Variants in ZCCHC7 observed in about 807,000 individuals in gnomAD.
ZCCHC7 encodes zinc finger CCHC domain-containing protein 7.
In ZCCHC7, 35 loss-of-function variants were observed where a neutral mutation model predicts 52.0. The observed-to-expected ratio is 0.67, with a 90% CI of 0.51 to 0.89. ZCCHC7 has a LOEUF of 0.89. Among genes scored for constraint, ZCCHC7 ranks in the 40% least tolerant of loss-of-function variants. ZCCHC7 has a pLI of 0.00. For missense variants in ZCCHC7, 574 were observed against 649.1 expected (o/e 0.88, Z 1.26); for synonymous variants, 217 against 221.5 (o/e 0.98, Z 0.18).
chr9:37,338,353 A>G (rs1830775132), intron 6 of ZCCHC7, among the ~76,000 whole-genome samples: 1 of 152,178 alleles, frequency 6.6e-6, no homozygotes, highest in Non-Finnish European at 1.5e-5. Context: ...AATAATTTAT[A>G]TCTATTTACA....
intron 2 of ZCCHC7, among the ~76,000 whole-genome samples, chr9:37,218,114 A>T (rs764699322): frequency 2.0e-5 from 3 of 152,210 alleles, no homozygotes; most frequent in Non-Finnish European, 4.4e-5. Context: ...ATTCCTAATT[A>T]TGGTTTCATA....
At chr9:37,144,217 A>G (rs914406889) in intron 2 of ZCCHC7, among the ~76,000 whole-genome samples, 1 of 151,926 alleles carries the variant, frequency 6.6e-6, no homozygotes, top group African/African-American at 2.4e-5. Context: ...ATTTAAAAGT[A>G]CTAATACAAG....
At position 37,358,079 on chromosome 9, in the gene ZCCHC7, G is replaced by A. The variant is rs1364197177; in HGVS notation, c.*811G>A. The A allele has an allele frequency of 6.6e-6, 1 of 151,812 alleles. No homozygotes were observed. Among genetic ancestry groups the A allele is most frequent in the Non-Finnish European group, 1.5e-5 (1 of 67,948 alleles). 9.4% of individuals were successfully genotyped at this position (151,812 alleles called of 1,614,324 possible). A position where few individuals can be genotyped will look rare whatever the true frequency, so the allele number is the denominator to read the frequency against. ...ACCGCAAAGCTATACAGATTTTTTT[G>A]TACTTGTGGATCTTTTGTACTTCTC... On this transcript the variant is annotated 3_prime_UTR_variant, in exon 9 of 9. Coordinates refer to ENST00000336755, the MANE Select transcript of ZCCHC7 (RefSeq NM_032226.3).
intron 4 of ZCCHC7, 146 bp downstream of exon 4, chr9:37,304,459 C>T: frequency 1.1e-6 from 1 of 936,298 alleles, no homozygotes; most frequent in Non-Finnish European, 1.5e-6. Context: ...TGAGACCATC[C>T]TAGCTAACAT....
At chr9:37,342,299 A>C (rs1820690457) in intron 6 of ZCCHC7, among the ~76,000 whole-genome samples, 1 of 152,184 alleles carries the variant, frequency 6.6e-6, no homozygotes, top group Non-Finnish European at 1.5e-5. Context: ...TGAGATGGGA[A>C]AGATTTTGGG....
intron 3 of ZCCHC7, among the ~76,000 whole-genome samples, chr9:37,302,628 T>C (rs1829088079): frequency 6.6e-6 from 1 of 152,230 alleles, no homozygotes; most frequent in Non-Finnish European, 1.5e-5. Flanking sequence ...GAGAATAATT[T>C]TATAACTTGG....
At chr9:37,209,354 G>A (rs925549150) in intron 2 of ZCCHC7, among the ~76,000 whole-genome samples, 1 of 151,716 alleles carries the variant, frequency 6.6e-6, no homozygotes, top group African/African-American at 2.4e-5. Context: ...TTTTTTTAAA[G>A]TTCCAAGTAT....
intron 2 of ZCCHC7, among the ~76,000 whole-genome samples, chr9:37,139,765 G>A (rs1843144909): frequency 6.6e-6 from 1 of 151,914 alleles, no homozygotes; most frequent in Admixed American, 6.6e-5. Flanking sequence ...GTGAAAGAAT[G>A]GATGTTAAGT....
At chr9:37,290,910 G>T (rs1380954412) in intron 2 of ZCCHC7, among the ~76,000 whole-genome samples, 2 of 151,996 alleles carry the variant, frequency 1.3e-5, no homozygotes, top group African/African-American at 4.8e-5. Flanking sequence ...TACTGAAAAA[G>T]ACTAAATTAT....
At chr9:37,314,676 A>G (rs1588657780) in intron 5 of ZCCHC7, among the ~76,000 whole-genome samples, 1 of 151,108 alleles carries the variant, frequency 6.6e-6, no homozygotes, top group Admixed American at 6.6e-5. Flanking sequence ...ACGTGGGAGG[A>G]TGAAGCAGGA....
intron 2 of ZCCHC7, among the ~76,000 whole-genome samples, chr9:37,275,055 T>C (rs977412133): frequency 6.6e-6 from 1 of 152,236 alleles, no homozygotes; most frequent in African/African-American, 2.4e-5. Context: ...GCCTGGCAAG[T>C]CTTTCTAGCA....
intron 2 of ZCCHC7, among the ~76,000 whole-genome samples, chr9:37,272,385 T>C (rs1338098297): frequency 6.8e-6 from 1 of 147,230 alleles, no homozygotes; most frequent in Non-Finnish European, 1.5e-5. Context: ...GGAATTGGTA[T>C]AAAATACATA....
At chr9:37,334,684 A>G (rs1244592781) in intron 6 of ZCCHC7, among the ~76,000 whole-genome samples, 2 of 152,014 alleles carry the variant, frequency 1.3e-5, no homozygotes, top group African/African-American at 4.8e-5. Context: ...GTTTTTTGGT[A>G]CATTTATAAG....
chr9:37,213,651 A>G (rs1273439820), intron 2 of ZCCHC7, among the ~76,000 whole-genome samples: 2 of 152,148 alleles, frequency 1.3e-5, no homozygotes. Flanking sequence ...ATGGTATAAG[A>G]ATAGCCTGGA....
At chr9:37,225,413 ATATATAAGGTAACACTTCCAAAC>A (rs1825043740) in intron 2 of ZCCHC7, among the ~76,000 whole-genome samples, 1 of 152,212 alleles carries the variant, frequency 6.6e-6, no homozygotes, top group African/African-American at 2.4e-5. Context: ...CTCTTCCAGA[ATATATAAGGTAACACTTCCAAAC>A]TAATTTTATA....
intron 2 of ZCCHC7, among the ~76,000 whole-genome samples, chr9:37,223,741 G>A (rs1460307478): frequency 6.6e-6 from 1 of 152,122 alleles, no homozygotes; most frequent in Non-Finnish European, 1.5e-5. Context: ...TAGAGTGTAT[G>A]TAAGGTCTTT....
At chr9:37,226,601 C>T (rs1825117601) in intron 2 of ZCCHC7, among the ~76,000 whole-genome samples, 1 of 152,140 alleles carries the variant, frequency 6.6e-6, no homozygotes. Flanking sequence ...ACAAGCTTTT[C>T]AGCAAATTGG....
chr9:37,244,737 C>A (rs1826011570), intron 2 of ZCCHC7, among the ~76,000 whole-genome samples: 1 of 151,820 alleles, frequency 6.6e-6, no homozygotes, highest in East Asian at 1.9e-4. Flanking sequence ...AGGGTTCTAC[C>A]ATGATTGATC....
chr9:37,345,892 T>C (rs139511543), intron 6 of ZCCHC7, among the ~76,000 whole-genome samples: 2 of 152,360 alleles, frequency 1.3e-5, no homozygotes, highest in African/African-American at 4.8e-5. Context: ...TTATTGAGGT[T>C]ATTGTTTTGC....
Sources: allele counts gnomAD v4.1 joint callset (sites outside exome capture counted in the v4.1 genomes callset), GRCh38; gene constraint gnomAD v4.1.1; transcripts MANE v1.5; gene names NCBI Gene and HGNC (gene_info 2026-07-23, HGNC 2026-07-21).